Variants in GAS7 observed in about 807,000 individuals in gnomAD.
GAS7 encodes the protein growth arrest specific 7, also known as growth arrest-specific protein 7.
Under a neutral mutation model 71.1 loss-of-function variants are expected in GAS7, and 28 were observed. The observed-to-expected ratio is 0.39, with a 90% CI of 0.29 to 0.54. The LOEUF (loss-of-function observed/expected upper bound fraction) is 0.54, where lower values mean the gene tolerates loss of function less well. GAS7 is among the 20% of genes least tolerant of loss of function. GAS7 has a pLI of 0.62. For synonymous variants in GAS7, 258 were observed against 245.8 expected, an observed-to-expected ratio of 1.05 and a Z score of -0.46; for missense variants, 436 against 627.8, an observed-to-expected ratio of 0.69 and a Z score of 3.27.
At chr17:10,045,940 C>G (rs2072948668) in intron 1 of GAS7, among the ~76,000 whole-genome samples, 1 of 152,130 alleles carries the variant, frequency 6.6e-6, no homozygotes, top group Non-Finnish European at 1.5e-5. Flanking sequence ...GCAATAATAT[C>G]TATGAAATCA....
At chr17:9,928,851 G>A (rs2068107123) in intron 9 of GAS7, among the ~76,000 whole-genome samples, 1 of 152,186 alleles carries the variant, frequency 6.6e-6, no homozygotes, top group East Asian at 1.9e-4. Context: ...TGTTTGTAGA[G>A]AGAATGACAA....
At chr17:10,031,137 G>T (rs892450638) in intron 1 of GAS7, among the ~76,000 whole-genome samples, 1 of 152,184 alleles carries the variant, frequency 6.6e-6, no homozygotes, top group South Asian at 2.1e-4. Context: ...GGACACTCCA[G>T]ACCTATCCAG....
intron 1 of GAS7, among the ~76,000 whole-genome samples, chr17:10,159,308 G>A (rs1247568416): frequency 1.3e-5 from 2 of 151,480 alleles, no homozygotes; most frequent in African/African-American, 4.9e-5. Flanking sequence ...CTACCCCTAG[G>A]TGAATACCCA....
intron 1 of GAS7, among the ~76,000 whole-genome samples, chr17:10,064,963 G>C (rs993586501): frequency 6.6e-6 from 1 of 151,998 alleles, no homozygotes; most frequent in Non-Finnish European, 1.5e-5. Flanking sequence ...TGGGACTACA[G>C]GTGTGTGCCA....
chr17:10,047,380 T>A (rs927821421), intron 1 of GAS7, among the ~76,000 whole-genome samples: 1 of 152,118 alleles, frequency 6.6e-6, no homozygotes, highest in African/African-American at 2.4e-5. Context: ...GGGTGCACCA[T>A]CGAACCCTAC....
intron 2 of GAS7, among the ~76,000 whole-genome samples, chr17:10,015,412 A>G (rs1053321493): frequency 3.9e-5 from 6 of 152,186 alleles, no homozygotes; most frequent in South Asian, 2.1e-4. Flanking sequence ...CTGGGCTAGC[A>G]TGTGGATGAA....
chr17:9,911,269 T>G lies in GAS7; in HGVS notation c.*5959A>C, dbSNP rs1437280571. On this transcript the variant is annotated 3_prime_UTR_variant, in exon 14 of 14. Transcript: ENST00000432992. This position sits in a 1 kb window ranked among gnomAD's most constrained non-coding sequence, Gnocchi z 4.0. ...TCCCGACAGGGGATGTGACTTAACT[T>G]CAGGTTATGGGACAAAGGAGGCCGC... 2 of 233,178 alleles carry G rather than the reference T, an allele frequency of 8.6e-6. No individual in the cohort carries two copies. Among genetic ancestry groups the G allele is most frequent in the African/African-American group, 4.4e-5 (2 of 45,328 alleles). 14.4% of individuals were successfully genotyped at this position (233,178 alleles called of 1,614,324 possible).
chr17:9,964,980 C>G (rs1460726367), intron 4 of GAS7, among the ~76,000 whole-genome samples: 2 of 152,194 alleles, frequency 1.3e-5, no homozygotes, highest in Non-Finnish European at 2.9e-5. Flanking sequence ...TTTCCTCTCT[C>G]CTGTGTCTAG....
At chr17:10,000,843 T>G (rs79704560) in intron 2 of GAS7, among the ~76,000 whole-genome samples, 468 of 152,268 alleles carry the variant, frequency 3.1e-3, no homozygotes, top group Middle Eastern at 6.8e-3. Context: ...GTGGCACCCA[T>G]CTACCCAATC....
chr17:9,925,710 A>G, intron 10 of GAS7, 111 bp from the exon 11 acceptor site: 1 of 1,188,332 alleles, frequency 8.4e-7, no homozygotes, highest in Non-Finnish European at 1.2e-6. Flanking sequence ...GTTTGTGTGG[A>G]TGATGCCACA....
chr17:10,159,953 T>C (rs368900663), intron 1 of GAS7, among the ~76,000 whole-genome samples: 3 of 150,650 alleles, frequency 2.0e-5, no homozygotes, highest in South Asian at 2.1e-4. Context: ...ACCTAGCTAA[T>C]TTTTTTGTAG....
intron 1 of GAS7, among the ~76,000 whole-genome samples, chr17:10,072,025 C>T (rs1313503582): frequency 6.6e-6 from 1 of 152,038 alleles, no homozygotes; most frequent in Non-Finnish European, 1.5e-5. Context: ...GTGCTATCGA[C>T]AGGATGAGGA....
rs573537167 is a variant in GAS7, at chr17:10,001,573, A to C, written c.304+18204T>G. 1.2e-4 allele frequency among the ~76,000 whole-genome samples: 18 copies of C among 152,252 alleles called. No homozygotes were observed. In the South Asian group the frequency reaches 3.5e-3, roughly 30 times the overall value. ...CAGGGTTGTCTCTCAGGGGAAATAC[A>C]GAGCCTGAAAGGTTTTAAAAACTAG... On this transcript the variant is annotated intron_variant, in intron 2 of 13. Coordinates refer to ENST00000432992, the MANE Select transcript of GAS7 (RefSeq NM_201433.2).
Position 9,914,305 on chromosome 17 carries a change from C to T in GAS7, c.*2923G>A. 5.3e-6 allele frequency: 1 copy of T among 189,002 alleles called. No individual in the cohort carries two copies. Among genetic ancestry groups the T allele is most frequent in the Non-Finnish European group, 1.1e-5 (1 of 89,828 alleles). The allele number at this position is 189,002 out of a possible 1,614,324, so 11.7% of individuals were successfully genotyped here. The stretch of plus-strand genomic sequence containing the variant: ...GCAGTGGCCCGATCTTGGTTCACTG[C>T]AATCTCCGCCTCCCAGGTTCAAGCG... On this transcript the variant is annotated 3_prime_UTR_variant, in exon 14 of 14. Transcript: ENST00000432992.
intron 1 of GAS7, among the ~76,000 whole-genome samples, chr17:10,098,943 G>A (rs933964136): frequency 3.3e-5 from 5 of 152,208 alleles, no homozygotes; most frequent in South Asian, 2.1e-4. Flanking sequence ...ATGACAGAGC[G>A]AGACTCCATC....
chr17:10,073,942 CTTAT>C lies in GAS7; in HGVS notation c.184-54049_184-54046del, dbSNP rs554738522. Among the ~76,000 whole-genome samples the C allele has an allele frequency of 1.4e-4, 22 of 152,318 alleles. No individual in the cohort carries two copies. In the South Asian group the frequency reaches 3.5e-3, roughly 24 times the overall value. On this transcript the variant is annotated intron_variant, in intron 1 of 13. Transcript: ENST00000432992. ...CAGGATGTATTTATCCACCTGTTTA[CTTAT>C]TTATCTGTGCTTCATGCTTACTCAA...
At chr17:9,956,521 A>C (rs997355774) in intron 5 of GAS7, among the ~76,000 whole-genome samples, 1 of 152,094 alleles carries the variant, frequency 6.6e-6, no homozygotes, top group Non-Finnish European at 1.5e-5. Flanking sequence ...GCTCCTGCCA[A>C]GGGCTGTGAG....
chr17:10,119,016 C>G (rs2073884955), intron 1 of GAS7, among the ~76,000 whole-genome samples: 1 of 152,126 alleles, frequency 6.6e-6, no homozygotes, highest in African/African-American at 2.4e-5. Flanking sequence ...ACTTATGGAG[C>G]ATATACCATG....
chr17:9,986,667 C>T (rs886195111), intron 2 of GAS7, among the ~76,000 whole-genome samples: 10 of 152,164 alleles, frequency 6.6e-5, no homozygotes, highest in Middle Eastern at 3.2e-3. Context: ...ATGGGAGGCC[C>T]CTTTCCCTGC....
Sources: allele counts gnomAD v4.1 joint callset (sites outside exome capture counted in the v4.1 genomes callset), GRCh38; gene constraint gnomAD v4.1.1; non-coding constraint Gnocchi (gnomAD v3.1); transcripts MANE v1.5; gene names NCBI Gene and HGNC (gene_info 2026-07-23, HGNC 2026-07-21).